The following CDC14B variants were observed in gnomAD, a reference collection of about 807,000 sequenced individuals.
The protein encoded by CDC14B is dual specificity protein phosphatase CDC14B.
In CDC14B, 22 loss-of-function variants were observed where a neutral mutation model predicts 64.2. The observed-to-expected ratio is 0.34, with a 90% CI of 0.24 to 0.49. The LOEUF is 0.49. Among genes scored for constraint, CDC14B ranks in the 20% least tolerant of loss-of-function variants. The pLI, the probability that CDC14B is intolerant of heterozygous loss-of-function variation, is 0.99. For missense variants in CDC14B, 498 were observed against 629.9 expected, an observed-to-expected ratio of 0.79 and a Z score of 2.24; for synonymous variants, 191 against 215.8, an observed-to-expected ratio of 0.89 and a Z score of 1.01.
At chr9:96,570,592 T>A (rs1844407963) in intron 1 of CDC14B, among the ~76,000 whole-genome samples, 1 of 152,240 alleles carries the variant, frequency 6.6e-6, no homozygotes, top group Non-Finnish European at 1.5e-5. Flanking sequence ...GGCTGTCATC[T>A]GTATTAGCCA....
intron 4 of CDC14B, among the ~76,000 whole-genome samples, chr9:96,561,767 G>A (rs984670662): frequency 1.3e-5 from 2 of 151,840 alleles, no homozygotes; most frequent in Non-Finnish European, 2.9e-5. Flanking sequence ...GATTACAGGC[G>A]TAAGCCACTG....
intron 12 of CDC14B, among the ~76,000 whole-genome samples, chr9:96,520,859 C>T (rs1246272453): frequency 6.8e-6 from 1 of 147,692 alleles, no homozygotes; most frequent in Non-Finnish European, 1.5e-5. Context: ...CGCCCGGGTG[C>T]CTCCTGCACA....
chr9:96,561,013 G>A (rs1309367536), intron 4 of CDC14B, among the ~76,000 whole-genome samples: 1 of 151,060 alleles, frequency 6.6e-6, no homozygotes, highest in Non-Finnish European at 1.5e-5. Flanking sequence ...CTCAGCTCAG[G>A]GCAATTTCCA....
intron 1 of CDC14B, among the ~76,000 whole-genome samples, chr9:96,581,996 G>T (rs1845189202): frequency 1.3e-5 from 2 of 152,132 alleles, no homozygotes; most frequent in Non-Finnish European, 1.5e-5. Flanking sequence ...ACACAAAGCT[G>T]ACTCCCAGTG....
intron 9 of CDC14B, among the ~76,000 whole-genome samples, chr9:96,529,883 C>A (rs1838168781): frequency 6.6e-6 from 1 of 152,070 alleles, no homozygotes; most frequent in Admixed American, 6.6e-5. Flanking sequence ...CTTGAGATTC[C>A]AAATGAATTT....
chr9:96,591,946 C>T (rs1347755899), intron 1 of CDC14B, among the ~76,000 whole-genome samples: 11 of 152,232 alleles, frequency 7.2e-5, no homozygotes, highest in Admixed American at 4.6e-4. Flanking sequence ...GGGGTTTCAC[C>T]GTGTTAGCCA....
At chr9:96,528,967 G>A (rs185925347) in intron 9 of CDC14B, among the ~76,000 whole-genome samples, 65 of 152,228 alleles carry the variant, frequency 4.3e-4, no homozygotes, top group Non-Finnish European at 7.6e-4. Context: ...TTGTTTTTAG[G>A]CGTTTTCTCT....
chr9:96,525,277 G>C (rs1357144205), intron 9 of CDC14B, among the ~76,000 whole-genome samples: 1 of 152,064 alleles, frequency 6.6e-6, no homozygotes, highest in Non-Finnish European at 1.5e-5. Flanking sequence ...AGAGACACTG[G>C]CATCTTGCAC....
exon 14 of CDC14B, chr9:96,491,388 C>T (rs934772257): frequency 1.3e-5 from 2 of 152,200 alleles, no homozygotes; most frequent in African/African-American, 4.8e-5. Flanking sequence ...AGCAGTCGGT[C>T]ATGATTTTGT....
At position 96,502,586 on chromosome 9, in the gene CDC14B, C is replaced by A. The variant is rs529291478; in HGVS notation, c.*1167G>T. ...GTGAGTACTATATATTCTTTTATTT[C>A]GGGCCCCATTTTTTTTTTTTTTTTT... On this transcript the variant is annotated 3_prime_UTR_variant, in exon 14 of 14. Transcript: ENST00000375241. 1.2e-5 allele frequency: 3 copies of A among 246,948 alleles called. No individual in the cohort carries two copies. The highest frequency in any genetic ancestry group is 2.0e-5 in the Non-Finnish European group (3 of 153,180). 15.3% of individuals were successfully genotyped at this position (246,948 alleles called of 1,614,324 possible). A position where few individuals can be genotyped will look rare whatever the true frequency, so the allele number is the denominator to read the frequency against.
At chr9:96,617,048 C>T (rs1847675349) in intron 1 of CDC14B, among the ~76,000 whole-genome samples, 2 of 152,220 alleles carry the variant, frequency 1.3e-5, no homozygotes, top group South Asian at 4.1e-4. Context: ...CTTTACTCCC[C>T]TGGAGCTCCC....
intron 5 of CDC14B, among the ~76,000 whole-genome samples, chr9:96,546,535 C>T (rs564004507): frequency 2.6e-5 from 4 of 151,848 alleles, no homozygotes; most frequent in Non-Finnish European, 2.9e-5. Flanking sequence ...CTGCAATCTC[C>T]GCCTCTCAGG....
At chr9:96,532,384 G>A (rs946628374) in intron 9 of CDC14B, among the ~76,000 whole-genome samples, 7 of 152,124 alleles carry the variant, frequency 4.6e-5, no homozygotes, top group African/African-American at 1.7e-4. Flanking sequence ...GTATGTGGTA[G>A]GTCACTTCTC....
rs34988377 is a variant in CDC14B at position 96,502,594 on chromosome 9, AT to A, written c.*1158del. ...TATATATTCTTTTATTTCGGGCCCCATTTTTTTTTTTTTTTTTAGCAGCACA... is the reference window on the plus strand; with the variant it reads ...TATATATTCTTTTATTTCGGGCCCCATTTTTTTTTTTTTTTTAGCAGCACA... On this transcript the variant is annotated 3_prime_UTR_variant, in exon 14 of 14. Transcript: ENST00000375241. The A allele has an allele frequency of 0.64, 161,262 of 252,958 alleles. 44,431 individuals are homozygous for A. Among genetic ancestry groups the A allele is most frequent in the Admixed American group, 0.72 (12,769 of 17,618 alleles). 15.7% of individuals were successfully genotyped at this position (252,958 alleles called of 1,614,324 possible). A position where few individuals can be genotyped will look rare whatever the true frequency, so the allele number is the denominator to read the frequency against.
chr9:96,576,558 A>G (rs1334639706), intron 1 of CDC14B, among the ~76,000 whole-genome samples: 1 of 148,100 alleles, frequency 6.8e-6, no homozygotes, highest in Non-Finnish European at 1.5e-5. Context: ...GCTTGAACCC[A>G]GGATGCAGAG....
At chr9:96,493,360 C>T (rs529856681) in intron 13 of CDC14B, 3 of 152,498 alleles carry the variant, frequency 2.0e-5, no homozygotes, top group South Asian at 2.1e-4. Flanking sequence ...TGAACCCTCC[C>T]GACACTCATG....
At chr9:96,561,477 C>T (rs1282397192) in intron 4 of CDC14B, among the ~76,000 whole-genome samples, 2 of 151,856 alleles carry the variant, frequency 1.3e-5, no homozygotes, top group African/African-American at 4.8e-5. Flanking sequence ...GCTCCAAAAA[C>T]AACCCTGTTT....
chr9:96,618,857 T>C (rs1847806548), intron 1 of CDC14B: 1 of 324,166 alleles, frequency 3.1e-6, no homozygotes, highest in Admixed American at 4.8e-5. Flanking sequence ...GGGCTCGCAA[T>C]CCCTGAAGGC....
intron 13 of CDC14B, among the ~76,000 whole-genome samples, chr9:96,509,001 G>GCC (rs111546567): frequency 0.014 from 2,173 of 152,250 alleles, 50 homozygotes; most frequent in African/African-American, 0.049. Context: ...ATGAAAAGGT[G>GCC]CCCCCTTCTA....
Sources: gnomAD v4.1 joint callset for allele counts (sites outside exome capture counted in the v4.1 genomes callset) on GRCh38, gnomAD v4.1.1 for gene constraint, MANE v1.5 for transcripts, NCBI Gene and HGNC (gene_info 2026-07-23, HGNC 2026-07-21) for gene names.